PCP4: variants seen among roughly 807,000 people sequenced by gnomAD.
The protein encoded by PCP4 is calmodulin regulator protein PCP4.
A neutral mutation model predicts 10.0 loss-of-function variants in PCP4; 8 were observed. That is an observed-to-expected ratio of 0.80 (90% CI 0.47 to 1.45). The LOEUF (loss-of-function observed/expected upper bound fraction) is 1.45, where lower values mean the gene tolerates loss of function less well. PCP4 is among the 40% of genes most tolerant of loss of function. The probability of loss-of-function intolerance (pLI) is 0.00; values close to 1 mark genes in which losing one functional copy is unlikely to be tolerated. For missense variants in PCP4, 54 were observed against 74.4 expected (o/e 0.73, Z 1.01); for synonymous variants, 21 against 23.0 (o/e 0.91, Z 0.24).
chr21:39,913,827 C>T (rs934665006), intron 2 of PCP4, among the ~76,000 whole-genome samples: 1 of 152,186 alleles, frequency 6.6e-6, no homozygotes, highest in African/African-American at 2.4e-5. Context: ...ACCGAATAGT[C>T]TTGTGCATTT....
chr21:39,869,018 T>C (rs559496834), intron 1 of PCP4, among the ~76,000 whole-genome samples: 13 of 152,294 alleles, frequency 8.5e-5, no homozygotes, highest in African/African-American at 3.1e-4. Flanking sequence ...TCTACAGATA[T>C]TTCAGAAGCT....
chr21:39,899,420 G>A (rs1218143077), intron 2 of PCP4, among the ~76,000 whole-genome samples: 2 of 152,156 alleles, frequency 1.3e-5, no homozygotes, highest in African/African-American at 4.8e-5. Context: ...TGTGGATAAT[G>A]CCAATCTCAA....
rs1210365373 is a variant in PCP4, at chr21:39,903,867, C to CAAA, written c.61+5346_61+5348dup. The stretch of plus-strand genomic sequence containing the variant: ...TGGGCTAAAGAGTGGGACTCCGTCT[C>CAAA]AAAAAAAACAAAAAAAAAAAAAAAA... On this transcript the variant is annotated intron_variant, in intron 2 of 2. Transcript: ENST00000328619. Among the ~76,000 whole-genome samples, 122 of 34,774 alleles carry CAAA rather than the reference C, an allele frequency of 3.5e-3. 9 individuals are homozygous for CAAA. The highest frequency in any genetic ancestry group is 9.5e-3 in the African/African-American group (99 of 10,470). The allele number at this position is 34,774 out of a possible 152,430, so 22.8% of individuals were successfully genotyped here.
chr21:39,892,595 G>T (rs981899027), intron 1 of PCP4, among the ~76,000 whole-genome samples: 4 of 151,908 alleles, frequency 2.6e-5, no homozygotes, highest in Non-Finnish European at 5.9e-5. Flanking sequence ...TACATAGTAG[G>T]TGTATATATT....
intron 1 of PCP4, among the ~76,000 whole-genome samples, chr21:39,871,770 A>C (rs2087321501): frequency 6.6e-6 from 1 of 152,180 alleles, no homozygotes; most frequent in South Asian, 2.1e-4. Flanking sequence ...TTCCCCAGTC[A>C]TGCATTCTAT....
intron 1 of PCP4, among the ~76,000 whole-genome samples, chr21:39,869,076 G>A (rs2087307356): frequency 6.6e-6 from 1 of 152,202 alleles, no homozygotes; most frequent in African/African-American, 2.4e-5. Flanking sequence ...AGGGATGGCT[G>A]CGTGGAGTGG....
At chr21:39,897,063 T>G (rs1439111527) in intron 1 of PCP4, among the ~76,000 whole-genome samples, 1 of 152,164 alleles carries the variant, frequency 6.6e-6, no homozygotes, top group East Asian at 1.9e-4. Flanking sequence ...GGGCAAGTCA[T>G]GCTCCCTACC....
At chr21:39,876,806 T>C (rs879615813) in intron 1 of PCP4, among the ~76,000 whole-genome samples, 1 of 152,226 alleles carries the variant, frequency 6.6e-6, no homozygotes, top group Non-Finnish European at 1.5e-5. Flanking sequence ...GTTGACACTG[T>C]GGTCTGTGCC....
At position 39,929,122 on chromosome 21, in the gene PCP4, C is replaced by G. The variant is rs201770920; in HGVS notation, c.*11C>G. 1 of 1,602,740 alleles carries G rather than the reference C, an allele frequency of 6.2e-7. No individual in the cohort carries two copies. Among genetic ancestry groups the G allele is most frequent in the Non-Finnish European group, 8.5e-7 (1 of 1,174,616 alleles). ...GGGTCTCAGTCCTAGTGGGAGAACC[C>G]CCTCCTAGTCCACCTGAAAACACCA... On this transcript the variant is annotated 3_prime_UTR_variant, in exon 3 of 3. Coordinates refer to ENST00000328619, the MANE Select transcript of PCP4 (RefSeq NM_006198.3).
intron 1 of PCP4, among the ~76,000 whole-genome samples, chr21:39,870,361 A>G (rs1180923199): frequency 6.6e-6 from 1 of 152,212 alleles, no homozygotes; most frequent in Non-Finnish European, 1.5e-5. Flanking sequence ...AATATGTCAG[A>G]TGTGCCTGGA....
At position 39,898,334 on chromosome 21, in the gene PCP4, T is replaced by C. The variant is rs748300375; in HGVS notation, c.10-142T>C. ...TTGGTGGATCCATTCCTACTCTCAC[T>C]AGCACAGTGCTTTAGCCATCTGAGC... On this transcript the variant is annotated intron_variant, in intron 1 of 2. Coordinates refer to ENST00000328619, the MANE Select transcript of PCP4 (RefSeq NM_006198.3). 4 of 770,068 alleles carry C rather than the reference T, an allele frequency of 5.2e-6. No individual in the cohort carries two copies. In the East Asian group the frequency reaches 7.4e-5, roughly 14 times the overall value. 47.7% of individuals were successfully genotyped at this position (770,068 alleles called of 1,614,324 possible).
intron 1 of PCP4, among the ~76,000 whole-genome samples, chr21:39,889,411 C>CTTT (rs547540626): frequency 4.8e-4 from 41 of 85,696 alleles, no homozygotes; most frequent in Admixed American, 6.2e-4. Context: ...AAACCAAGTT[C>CTTT]TTTTTTTTTT....
chr21:39,927,311 T>TATCTATCTATCC (rs1568863742), intron 2 of PCP4, among the ~76,000 whole-genome samples: 1 of 117,398 alleles, frequency 8.5e-6, no homozygotes, highest in African/African-American at 2.9e-5. Flanking sequence ...TCTATCTATC[T>TATCTATCTATCC]ATCTATCTAT....
intron 2 of PCP4, among the ~76,000 whole-genome samples, chr21:39,926,754 T>G (rs1007864384): frequency 6.6e-6 from 1 of 152,214 alleles, no homozygotes; most frequent in Non-Finnish European, 1.5e-5. Context: ...AATTAACCAC[T>G]TTTAAAACAT....
At chr21:39,902,959 C>T (rs572581179) in intron 2 of PCP4, among the ~76,000 whole-genome samples, 21 of 152,258 alleles carry the variant, frequency 1.4e-4, no homozygotes, top group Admixed American at 5.9e-4. Flanking sequence ...CAAATATAGA[C>T]ACAACCATCT....
intron 1 of PCP4, among the ~76,000 whole-genome samples, chr21:39,877,532 A>T (rs940452864): frequency 5.1e-5 from 6 of 118,550 alleles, no homozygotes; most frequent in South Asian, 2.4e-4. Context: ...ACCAAAAATT[A>T]AAAAAAAAAA....
chr21:39,891,793 C>T (rs1270042675), intron 1 of PCP4, among the ~76,000 whole-genome samples: 4 of 152,320 alleles, frequency 2.6e-5, no homozygotes, highest in Non-Finnish European at 4.4e-5. Context: ...GAGAAGGCAG[C>T]ATAGGTCAGC....
At chr21:39,889,712 A>G (rs1242071884) in intron 1 of PCP4, among the ~76,000 whole-genome samples, 2 of 152,080 alleles carry the variant, frequency 1.3e-5, no homozygotes, top group Non-Finnish European at 2.9e-5. Context: ...CACCGTGCCC[A>G]GCCTCAAACC....
At position 39,867,460 on chromosome 21, in the gene PCP4, C is replaced by T. The variant is rs1234145571; in HGVS notation, c.-42C>T. On this transcript the variant is annotated 5_prime_UTR_variant, in exon 1 of 3. Coordinates refer to ENST00000328619, the MANE Select transcript of PCP4 (RefSeq NM_006198.3). ...AGCAGCGACCCCTGAGCAGTGTTCT[C>T]TGTGCTGAGCGGCGGGACTGAGCTG... 2 of 1,613,492 alleles carry T rather than the reference C, an allele frequency of 1.2e-6. No homozygotes were observed. The highest frequency in any genetic ancestry group is 1.7e-6 in the Non-Finnish European group (2 of 1,179,440).
Sources: gnomAD v4.1 joint callset for allele counts (sites outside exome capture counted in the v4.1 genomes callset) on GRCh38, gnomAD v4.1.1 for gene constraint, MANE v1.5 for transcripts, NCBI Gene and HGNC (gene_info 2026-07-23, HGNC 2026-07-21) for gene names.